The following TPGS2 variants were observed in gnomAD, a reference collection of about 807,000 sequenced individuals.
TPGS2 encodes polyglutamylase subunit 2.
Under a neutral mutation model 31.1 loss-of-function variants are expected in TPGS2, and 26 were observed. The observed-to-expected ratio is 0.84, with a 90% confidence interval of 0.61 to 1.16. TPGS2 has a LOEUF of 1.16. TPGS2 is among the 50% of genes most tolerant of loss of function. TPGS2 has a pLI of 0.00. For missense variants in TPGS2, 351 were observed against 363.8 expected, an observed-to-expected ratio of 0.96 and a Z score of 0.29; for synonymous variants, 130 against 136.6, an observed-to-expected ratio of 0.95 and a Z score of 0.34.
chr18:36,809,142 C>T (rs941144390), intron 2 of TPGS2, among the ~76,000 whole-genome samples: 2 of 152,206 alleles, frequency 1.3e-5, no homozygotes, highest in Non-Finnish European at 2.9e-5. Context: ...GAGTTCACTT[C>T]CCAACTCTGC....
In TPGS2 at chr18:36,794,366, C is replaced by G. The variant is rs2044425316; in HGVS notation, c.*2439G>C. 2 of 985,528 alleles carry G rather than the reference C, an allele frequency of 2.0e-6. No individual in the cohort carries two copies. The highest frequency in any genetic ancestry group is 2.4e-6 in the Non-Finnish European group (2 of 829,988). 61.0% of individuals were successfully genotyped at this position (985,528 alleles called of 1,614,324 possible). ...GTCTTGAGCCTTTCCTTATCATAACCCCCTTCCTTTGATAGCCTTTTGAGA... is the reference window on the plus strand; with the variant it reads ...GTCTTGAGCCTTTCCTTATCATAACGCCCTTCCTTTGATAGCCTTTTGAGA... On this transcript the variant is annotated 3_prime_UTR_variant, in exon 7 of 7. Coordinates refer to ENST00000334295, the MANE Select transcript of TPGS2 (RefSeq NM_015476.4).
intron 3 of TPGS2, among the ~76,000 whole-genome samples, chr18:36,807,007 A>G (rs1012776362): frequency 2.0e-5 from 3 of 151,598 alleles, no homozygotes; most frequent in Non-Finnish European, 4.4e-5. Flanking sequence ...TTTGCAGTAC[A>G]ACAGAAGTCA....
intron 2 of TPGS2, among the ~76,000 whole-genome samples, chr18:36,811,557 C>T (rs370595531): frequency 6.6e-6 from 1 of 152,256 alleles, no homozygotes; most frequent in African/African-American, 2.4e-5. Context: ...GAGTAATACC[C>T]TCAAGTTTAT....
chr18:36,823,406 C>A (rs114534003), intron 1 of TPGS2, among the ~76,000 whole-genome samples: 1 of 151,340 alleles, frequency 6.6e-6, no homozygotes, highest in South Asian at 2.1e-4. Flanking sequence ...TCAGCAACAG[C>A]GTAACAGATT....
intron 1 of TPGS2, among the ~76,000 whole-genome samples, chr18:36,821,867 T>C (rs528190067): frequency 1.4e-4 from 21 of 152,226 alleles, no homozygotes; most frequent in Non-Finnish European, 2.8e-4. Flanking sequence ...TGCTTTCCTT[T>C]ATTTTAGACT....
intron 6 of TPGS2, among the ~76,000 whole-genome samples, chr18:36,788,028 G>T (rs2044184348): frequency 6.6e-6 from 1 of 152,152 alleles, no homozygotes; most frequent in South Asian, 2.1e-4. Flanking sequence ...CACACATATA[G>T]AAGTTCACTG....
chr18:36,791,367 T>C (rs1042592482), downstream of TPGS2, among the ~76,000 whole-genome samples: 6 of 152,144 alleles, frequency 3.9e-5, no homozygotes, highest in African/African-American at 1.4e-4. Flanking sequence ...CAAAAGTTAA[T>C]TGAGTGGTAC....
At chr18:36,818,149 G>T (rs182409567) in intron 2 of TPGS2, among the ~76,000 whole-genome samples, 8 of 152,246 alleles carry the variant, frequency 5.3e-5, no homozygotes, top group Admixed American at 4.6e-4. Flanking sequence ...GAGGCTGAAA[G>T]TCCCATCTTC....
Position 36,819,077 on chromosome 18 carries a change from A to G in TPGS2, c.86-104T>C, listed in dbSNP as rs144944765. On this transcript the variant is annotated intron_variant, in intron 1 of 6. Transcript: ENST00000334295. The stretch of plus-strand genomic sequence containing the variant: ...TGATGACTGCTCTTAAGAACATCCA[A>G]TCCTTCTCATGAACACTTATTACCC... 8.9e-4 allele frequency: 819 copies of G among 920,652 alleles called. 1 individual carries two copies. The highest frequency in any genetic ancestry group is 1.5e-3 in the Admixed American group (66 of 43,734). 57.0% of individuals were successfully genotyped at this position (920,652 alleles called of 1,614,324 possible). A position where few individuals can be genotyped will look rare whatever the true frequency, so the allele number is the denominator to read the frequency against.
Position 36,794,572 on chromosome 18 carries a change from C to T in TPGS2, c.*2233G>A, listed in dbSNP as rs546437542. On this transcript the variant is annotated 3_prime_UTR_variant, in exon 7 of 7. Coordinates refer to ENST00000334295, the MANE Select transcript of TPGS2 (RefSeq NM_015476.4). ...TAACTTCTCAACTCCCTTCTAACCT[C>T]GCTTGTCTTGGAGAAGCAGCCAAAT... 4.9e-5 allele frequency: 48 copies of T among 985,382 alleles called. No homozygotes were observed. The highest frequency in any genetic ancestry group is 5.2e-4 in the Middle Eastern group (1 of 1,916). 61.0% of individuals were successfully genotyped at this position (985,382 alleles called of 1,614,324 possible). A position where few individuals can be genotyped will look rare whatever the true frequency, so the allele number is the denominator to read the frequency against.
In TPGS2 at chr18:36,800,697, T is replaced by G. The variant is rs1309509547; in HGVS notation, c.383-386A>C. 2.0e-5 allele frequency among the ~76,000 whole-genome samples: 3 copies of G among 151,792 alleles called. No individual in the cohort carries two copies. In the East Asian group the frequency reaches 5.8e-4, roughly 29 times the overall value. On this transcript the variant is annotated intron_variant, in intron 4 of 6. Transcript: ENST00000334295. ...ACATTATCTGAATCTTTCTTTCTTT[T>G]TTTTTTTTTTGAGATGGAGTCTCAC...
In TPGS2 at chr18:36,828,809, G is replaced by A. The variant is rs2046329531; in HGVS notation, c.-42C>T. The A allele has an allele frequency of 1.9e-6, 3 of 1,603,530 alleles. No individual in the cohort carries two copies. The highest frequency in any genetic ancestry group is 2.6e-6 in the Non-Finnish European group (3 of 1,173,846). On this transcript the variant is annotated 5_prime_UTR_variant, in exon 1 of 7. Transcript: ENST00000334295. ...TCGCGCGCGGCGGGAGCGGGTGGAGGGCCGGACCCCGCCTCAGCGCCGAGG... is the reference window on the plus strand; with the variant it reads ...TCGCGCGCGGCGGGAGCGGGTGGAGAGCCGGACCCCGCCTCAGCGCCGAGG...
chr18:36,794,206 A>C lies in TPGS2; in HGVS notation c.*2599T>G, dbSNP rs922646136. On this transcript the variant is annotated 3_prime_UTR_variant, in exon 7 of 7. Transcript: ENST00000334295. ...GAAAGACACTATGGAAGAAAGGAAA[A>C]ACATTACATTTTAGTACCTGTAAAG... The C allele has an allele frequency of 3.8e-5, 35 of 909,756 alleles. No homozygotes were observed. In the African/African-American group the frequency reaches 5.6e-4, roughly 14 times the overall value. 56.4% of individuals were successfully genotyped at this position (909,756 alleles called of 1,614,324 possible). A position where few individuals can be genotyped will look rare whatever the true frequency, so the allele number is the denominator to read the frequency against.
intron 5 of TPGS2, 127 bp from the exon 6 acceptor site, chr18:36,798,736 A>G: frequency 7.0e-7 from 1 of 1,423,124 alleles, no homozygotes; most frequent in Non-Finnish European, 9.3e-7. Flanking sequence ...AATGTAAAGT[A>G]AAAGTTCCCC....
chr18:36,817,433 C>CTTT (rs111810411), intron 2 of TPGS2, among the ~76,000 whole-genome samples: 1 of 141,108 alleles, frequency 7.1e-6, no homozygotes, highest in Non-Finnish European at 1.5e-5. Flanking sequence ...TTCTTTCTTT[C>CTTT]TTTTTTTTTT....
intron 6 of TPGS2, 163 bp downstream of exon 6, chr18:36,798,286 G>C: frequency 6.9e-7 from 1 of 1,445,840 alleles, no homozygotes; most frequent in Non-Finnish European, 9.1e-7. Flanking sequence ...AAGTGAGGCT[G>C]TCCATTGGAA....
intron 2 of TPGS2, among the ~76,000 whole-genome samples, chr18:36,817,326 G>A (rs79643898): frequency 6.6e-6 from 1 of 152,208 alleles, no homozygotes; most frequent in African/African-American, 2.4e-5. Context: ...AGAGGGGCAC[G>A]CTGGTAGAGC....
At chr18:36,815,998 A>G (rs2045637241) in intron 2 of TPGS2, among the ~76,000 whole-genome samples, 1 of 152,116 alleles carries the variant, frequency 6.6e-6, no homozygotes, top group Admixed American at 6.5e-5. Flanking sequence ...GTTTGTTTGT[A>G]TATTAGATTT....
rs1352728413 is a variant in TPGS2 at position 36,800,240 on chromosome 18, C to T, written c.454G>A (p.Gly152Ser). Residue 152 changes from glycine to serine, a missense_variant, in exon 5 of 7, where the codon GGC (glycine) becomes AGC (serine). Gly to Ser is a moderately conservative substitution (Grantham distance 56). Coordinates refer to ENST00000334295, the MANE Select transcript of TPGS2 (RefSeq NM_015476.4). ...TAGACAAGGCAAACTTTCCCACTGC[C>T]ATTGCATGAATCCAGCTCAAATATC... ...SVIFELDSCN[G>S]SGKVCLVYKS... The T allele has an allele frequency of 6.8e-6, 11 of 1,614,184 alleles. No individual in the cohort carries two copies. The highest frequency in any genetic ancestry group is 9.3e-6 in the Non-Finnish European group (11 of 1,180,008).
Sources: allele counts gnomAD v4.1 joint callset (sites outside exome capture counted in the v4.1 genomes callset), GRCh38; gene constraint gnomAD v4.1.1; transcripts MANE v1.5; gene names NCBI Gene and HGNC (gene_info 2026-07-23, HGNC 2026-07-21).